SPO11: variants seen among roughly 807,000 people sequenced by gnomAD.
SPO11 encodes the protein meiotic recombination protein SPO11.
A neutral mutation model predicts 51.6 loss-of-function variants in SPO11; 49 were observed. The observed-to-expected ratio is 0.95, with a 90% CI of 0.75 to 1.20. The LOEUF (loss-of-function observed/expected upper bound fraction) is 1.20, where lower values mean the gene tolerates loss of function less well. Among genes scored for constraint, SPO11 ranks in the 50% most tolerant of loss-of-function variants. The pLI, the probability that SPO11 is intolerant of heterozygous loss-of-function variation, is 0.00. For missense variants in SPO11, 431 were observed against 473.4 expected (o/e 0.91, Z 0.83); for synonymous variants, 176 against 158.2 (o/e 1.11, Z -0.84).
intron 6 of SPO11, among the ~76,000 whole-genome samples, chr20:57,335,044 T>C (rs2066495243): frequency 6.6e-6 from 1 of 152,010 alleles, no homozygotes; most frequent in South Asian, 2.1e-4. Context: ...GAAATAAACA[T>C]ACAAATATAA....
In SPO11 at chr20:57,329,950, G is replaced by A. The variant is rs1326608984; in HGVS notation, c.83G>A (p.Arg28Lys). The A allele has an allele frequency of 6.2e-7, 1 of 1,612,848 alleles. No individual in the cohort carries two copies. The highest frequency in any genetic ancestry group is 8.5e-7 in the Non-Finnish European group (1 of 1,179,716). ...RHRESLLAAL[R>K]RGGREPPTGG... is the part of the protein sequence containing the mutation. ...AGGGAGTCCCTGCTGGCTGCCCTGA[G>A]GAGAGGTGGCAGGGAGCCCCCAACT... is the stretch of plus-strand genomic sequence containing the variant. Residue 28 changes from arginine to lysine, a missense_variant, in exon 1 of 13, where the codon AGG (arginine) becomes AAG (lysine). Arg to Lys is a conservative substitution (Grantham distance 26). Coordinates refer to ENST00000371263, the MANE Select transcript of SPO11 (RefSeq NM_012444.3).
chr20:57,340,386 G>A (rs2146099278), intron 11 of SPO11, among the ~76,000 whole-genome samples: 1 of 152,310 alleles, frequency 6.6e-6, no homozygotes, highest in South Asian at 2.1e-4. Flanking sequence ...TTTGGTTAAT[G>A]TGTTACACTT....
chr20:57,337,231 ATTG>A (rs1271404530), intron 8 of SPO11, among the ~76,000 whole-genome samples: 1 of 152,150 alleles, frequency 6.6e-6, no homozygotes, highest in Non-Finnish European at 1.5e-5. Context: ...TTTCTCTAAC[ATTG>A]TTGTAACACT....
chr20:57,333,815 CTTT>C, intron 4 of SPO11, 62 bp downstream of exon 4: 1 of 1,091,066 alleles, frequency 9.2e-7, no homozygotes, highest in Non-Finnish European at 1.4e-6. Flanking sequence ...GTTGGATTAA[CTTT>C]TATTATATGC....
rs1232123155 is a variant in SPO11 at position 57,329,824 on chromosome 20, C to G, written c.-44C>G. The G allele has an allele frequency of 1.9e-6, 3 of 1,590,882 alleles. No individual in the cohort carries two copies. In the Admixed American group the frequency reaches 5.2e-5, roughly 28 times the overall value. On this transcript the variant is annotated 5_prime_UTR_variant, in exon 1 of 13. Coordinates refer to ENST00000371263, the MANE Select transcript of SPO11 (RefSeq NM_012444.3). ...ACGCAGCCACGCCCCAAGGGCGCAG[C>G]CTAGGACAGGGGCTTCTGGAGCTTC... is the stretch of plus-strand genomic sequence containing the variant.
intron 2 of SPO11, among the ~76,000 whole-genome samples, chr20:57,332,436 T>G (rs1171137382): frequency 6.6e-6 from 1 of 152,238 alleles, no homozygotes; most frequent in African/African-American, 2.4e-5. Context: ...CTAAATCATG[T>G]GTCCAAAAAG....
At position 57,329,864 on chromosome 20, in the gene SPO11, C is replaced by G. The variant is rs1242632736; in HGVS notation, c.-4C>G. The G allele has an allele frequency of 6.2e-7, 1 of 1,611,748 alleles. No individual in the cohort carries two copies. Among genetic ancestry groups the G allele is most frequent in the Non-Finnish European group, 8.5e-7 (1 of 1,178,654 alleles). ...TCTGGAGCTTCTGGCAGCCGTCTGC[C>G]CTCATGGCCTTTGCACCTATGGGGC... is the stretch of plus-strand genomic sequence containing the variant. On this transcript the variant is annotated 5_prime_UTR_variant, in exon 1 of 13. Transcript: ENST00000371263.
chr20:57,343,318 G>T (rs2066606561), intron 12 of SPO11, 23 bp from the exon 13 acceptor site: 1 of 1,602,596 alleles, frequency 6.2e-7, no homozygotes, highest in African/African-American at 1.3e-5. Context: ...TCTGGTATGA[G>T]TACATTTTAC....
chr20:57,335,580 C>A, intron 7 of SPO11, 125 bp downstream of exon 7: 2 of 909,390 alleles, frequency 2.2e-6, no homozygotes, highest in Non-Finnish European at 3.3e-6. Flanking sequence ...TCAAGATGAA[C>A]ACACCATGGT....
chr20:57,341,847 A>C (rs1226201097), intron 11 of SPO11, among the ~76,000 whole-genome samples: 1 of 152,226 alleles, frequency 6.6e-6, no homozygotes, highest in Non-Finnish European at 1.5e-5. Flanking sequence ...AAATTCTATC[A>C]GTGCACTAAA....
At chr20:57,334,623 C>G (rs1239968809) in intron 5 of SPO11, 127 bp from the exon 6 acceptor site, 1 of 654,640 alleles carries the variant, frequency 1.5e-6, no homozygotes, top group Non-Finnish European at 2.6e-6. Context: ...CATATTTTCT[C>G]TTTCATCTCT....
chr20:57,332,336 A>G (rs6014978), intron 2 of SPO11, among the ~76,000 whole-genome samples: 80,586 of 152,068 alleles, frequency 0.53, 25,282 homozygotes, highest in African/African-American at 0.88. Flanking sequence ...CTCAGGGGAA[A>G]TATAACCAAT....
rs557239120 is a variant in SPO11 at position 57,331,383 on chromosome 20, A to G, written c.132-450A>G. Reference sequence around the variant, plus strand: ...AAGGTGTTTCTTTTGAAATTTTTGCATTGCATTTTTGGGAAAGAAATTCAA... The same window carrying G: ...AAGGTGTTTCTTTTGAAATTTTTGCGTTGCATTTTTGGGAAAGAAATTCAA... On this transcript the variant is annotated intron_variant, in intron 1 of 12. Transcript: ENST00000371263. Among the ~76,000 whole-genome samples, 3 of 152,348 alleles carry G rather than the reference A, an allele frequency of 2.0e-5. 1 individual carries two copies. In the South Asian group the frequency reaches 6.2e-4, roughly 32 times the overall value.
chr20:57,338,400 A>T (rs1354809237), intron 9 of SPO11, 25 bp downstream of exon 9: 1 of 1,427,094 alleles, frequency 7.0e-7, no homozygotes, highest in Admixed American at 1.8e-5. Context: ...GACTATTTAC[A>T]ACAATAGTCA....
Position 57,334,093 on chromosome 20 carries a change from ATAGT to A in SPO11, c.509_510+2del. On this transcript the variant is annotated splice_donor_variant and coding_sequence_variant, in exon 5 of 13. Transcript: ENST00000371263. LOFTEE classifies it high-confidence loss of function. ...AAAAGTGTCAAGGAGGAGTCTACAT[ATAGT>A]AAGTAGTACCTAATACAAAACATTT... 1.4e-6 allele frequency: 2 copies of A among 1,456,032 alleles called. No individual in the cohort carries two copies. The highest frequency in any genetic ancestry group is 4.6e-5 in the East Asian group (2 of 43,644). 90.2% of individuals were successfully genotyped at this position (1,456,032 alleles called of 1,614,324 possible). A position where few individuals can be genotyped will look rare whatever the true frequency, so the allele number is the denominator to read the frequency against.
chr20:57,340,036 G>T, intron 10 of SPO11, 66 bp from the exon 11 acceptor site: 1 of 1,137,620 alleles, frequency 8.8e-7, no homozygotes, highest in South Asian at 1.3e-5. Context: ...AAATTTGACT[G>T]AAAAACAAGA....
rs553180578 is a variant in SPO11, at chr20:57,332,094, A to G, written c.245+148A>G. 535 of 484,484 alleles carry G rather than the reference A, an allele frequency of 1.1e-3. 2 individuals are homozygous for G. Among genetic ancestry groups the G allele is most frequent in the African/African-American group, 9.6e-3 (481 of 50,366 alleles). The allele number at this position is 484,484 out of a possible 1,614,324, so 30.0% of individuals were successfully genotyped here. On this transcript the variant is annotated intron_variant, in intron 2 of 12. Coordinates refer to ENST00000371263, the MANE Select transcript of SPO11 (RefSeq NM_012444.3). ...TTAGGAAGTTTACGAAATACATACCATACAGAGAGGTTATGTAAACTAGAA... is the reference window on the plus strand; with the variant it reads ...TTAGGAAGTTTACGAAATACATACCGTACAGAGAGGTTATGTAAACTAGAA...
chr20:57,333,090 G>T, intron 2 of SPO11, 98 bp from the exon 3 acceptor site: 2 of 803,654 alleles, frequency 2.5e-6, no homozygotes, highest in Non-Finnish European at 2.0e-6. Context: ...GAAGAAATGT[G>T]GGTTTTAAAT....
chr20:57,337,899 G>T (rs1189502744), intron 8 of SPO11: 16 of 542,650 alleles, frequency 2.9e-5, no homozygotes, highest in African/African-American at 8.1e-5. Context: ...TTATTATTAT[G>T]ATTTTGAGGT....
Sources: allele counts gnomAD v4.1 joint callset (sites outside exome capture counted in the v4.1 genomes callset), GRCh38; gene constraint gnomAD v4.1.1; transcripts MANE v1.5; gene names NCBI Gene and HGNC (gene_info 2026-07-23, HGNC 2026-07-21).